Variants in CAPSL observed in about 807,000 individuals in gnomAD.
The protein encoded by CAPSL is calcyphosin-like protein.
CAPSL carries 17 observed loss-of-function variants against 21.3 expected under a neutral mutation model. The observed-to-expected ratio is 0.80, with a 90% CI of 0.55 to 1.20. CAPSL has a LOEUF of 1.20. CAPSL is among the 50% of genes most tolerant of loss of function. The pLI is 0.00. For missense variants in CAPSL, 289 were observed against 259.3 expected (o/e 1.11, Z -0.79); for synonymous variants, 102 against 89.3 (o/e 1.14, Z -0.80).
At position 35,924,219 on chromosome 5, in the gene CAPSL, T is replaced by C. The variant is rs115708824; in HGVS notation, c.1-3099A>G. On this transcript the variant is annotated intron_variant, in intron 1 of 4. Transcript: ENST00000651391. Reference sequence around the variant, plus strand: ...ACAGTAATCCACATGCTGTTAGAACTGTATGACCCTTGAAGATTCTCTAGT... The same window carrying C: ...ACAGTAATCCACATGCTGTTAGAACCGTATGACCCTTGAAGATTCTCTAGT... Among the ~76,000 whole-genome samples the C allele has an allele frequency of 4.5e-3, 684 of 152,310 alleles. 7 individuals are homozygous for C. Among genetic ancestry groups the C allele is most frequent in the Middle Eastern group, 0.031 (9 of 294 alleles).
chr5:35,937,736 A>G (rs1359653836), intron 1 of CAPSL, among the ~76,000 whole-genome samples: 1 of 152,170 alleles, frequency 6.6e-6, no homozygotes, highest in Non-Finnish European at 1.5e-5. Context: ...TTTTATCAGA[A>G]TATAAATACA....
chr5:35,909,072 A>C (rs1350593114), intron 4 of CAPSL, among the ~76,000 whole-genome samples: 1 of 140,480 alleles, frequency 7.1e-6, no homozygotes, highest in Non-Finnish European at 1.5e-5. Context: ...ATCTAAGAAC[A>C]GAACTGGCTC....
chr5:35,929,248 G>A (rs1365414957), intron 1 of CAPSL, among the ~76,000 whole-genome samples: 1 of 151,504 alleles, frequency 6.6e-6, no homozygotes, highest in East Asian at 1.9e-4. Context: ...GCGCTACCAG[G>A]GAGTAGCAGA....
chr5:35,930,603 C>T (rs1241486863), intron 1 of CAPSL, among the ~76,000 whole-genome samples: 5 of 152,136 alleles, frequency 3.3e-5, no homozygotes, highest in African/African-American at 7.2e-5. Flanking sequence ...CTACCTTGCC[C>T]CACTCTAGTC....
chr5:35,912,045 G>A (rs1003850842), intron 2 of CAPSL, among the ~76,000 whole-genome samples: 2 of 152,146 alleles, frequency 1.3e-5, no homozygotes, highest in African/African-American at 2.4e-5. Flanking sequence ...CTTAGCAAAC[G>A]GCGCACCAGG....
chr5:35,928,942 T>C (rs1466099613), intron 1 of CAPSL, among the ~76,000 whole-genome samples: 2 of 152,168 alleles, frequency 1.3e-5, no homozygotes, highest in Non-Finnish European at 2.9e-5. Context: ...GGGCACTTTA[T>C]TGTTTTTAGT....
chr5:35,910,008 T>C lies in CAPSL; in HGVS notation c.383A>G (p.Asp128Gly). The C allele has an allele frequency of 6.2e-7, 1 of 1,613,690 alleles. No individual in the cohort carries two copies. Among genetic ancestry groups the C allele is most frequent in the African/African-American group, 1.3e-5 (1 of 75,046 alleles). Residue 128 changes from aspartate (D) to glycine (G), a missense_variant, in exon 4 of 5, where the codon GAT becomes GGT. Asp to Gly is a moderately conservative substitution (Grantham distance 94). Coordinates refer to ENST00000651391, the MANE Select transcript of CAPSL (RefSeq NM_001042625.2). ...AAGGTCTTCGATTGTTATAACACCA[T>C]CTCCAGTCTTGTCTAACTTTCTAAA... is the stretch of plus-strand genomic sequence containing the variant. Reference protein sequence around the residue: ...QAFRKLDKTGDGVITIEDLRE... With the variant: ...QAFRKLDKTGGGVITIEDLRE...
intron 4 of CAPSL, among the ~76,000 whole-genome samples, chr5:35,907,981 G>A (rs1460248282): frequency 6.6e-6 from 1 of 152,164 alleles, no homozygotes; most frequent in Admixed American, 6.5e-5. Flanking sequence ...TCACTTTTCA[G>A]AAACACTTTT....
intron 1 of CAPSL, among the ~76,000 whole-genome samples, chr5:35,923,312 G>A (rs1201245447): frequency 3.3e-5 from 5 of 152,180 alleles, no homozygotes; most frequent in African/African-American, 4.8e-5. Flanking sequence ...TCCCCAGTGG[G>A]ACCCTCTTTG....
At chr5:35,937,402 A>C (rs1306222588) in intron 1 of CAPSL, among the ~76,000 whole-genome samples, 3 of 152,040 alleles carry the variant, frequency 2.0e-5, no homozygotes, top group Non-Finnish European at 4.4e-5. Flanking sequence ...ATCTCTACTC[A>C]CTCACATTCC....
Position 35,920,987 on chromosome 5 carries a change from C to T in CAPSL, c.134G>A (p.Gly45Asp). 1 of 1,613,788 alleles carries T rather than the reference C, an allele frequency of 6.2e-7. No individual in the cohort carries two copies. Among genetic ancestry groups the T allele is most frequent in the East Asian group, 2.2e-5 (1 of 44,864 alleles). Residue 45 changes from glycine to aspartate, a missense_variant, in exon 2 of 5, where the codon GGC becomes GAC. Coordinates refer to ENST00000651391, the MANE Select transcript of CAPSL (RefSeq NM_001042625.2). ...ARGSAGIKGL[G>D]RVFRIMDDDN... Reference sequence around the variant, plus strand: ...GCCACTTGTAGCTGGGTCCTACCTGCCAAGTCCTTTGATCCCAGCAGAGCC... The same window carrying T: ...GCCACTTGTAGCTGGGTCCTACCTGTCAAGTCCTTTGATCCCAGCAGAGCC...
intron 1 of CAPSL, among the ~76,000 whole-genome samples, chr5:35,928,353 C>T (rs532946648): frequency 2.1e-4 from 32 of 152,108 alleles, no homozygotes; most frequent in Non-Finnish European, 4.6e-4. Context: ...GCCTAGCAGG[C>T]GGCTAGGAAG....
intron 2 of CAPSL, among the ~76,000 whole-genome samples, chr5:35,913,842 A>T (rs1014047139): frequency 1.1e-4 from 16 of 152,238 alleles, no homozygotes; most frequent in African/African-American, 3.1e-4. Context: ...TGACAGGATC[A>T]AATTCAAAGA....
intron 2 of CAPSL, among the ~76,000 whole-genome samples, chr5:35,913,930 C>G (rs1738299874): frequency 6.6e-6 from 1 of 152,112 alleles, no homozygotes; most frequent in African/African-American, 2.4e-5. Context: ...GATAAACAGT[C>G]AAGACCCATC....
At chr5:35,917,380 G>A (rs1310431410) in intron 2 of CAPSL, among the ~76,000 whole-genome samples, 2 of 152,164 alleles carry the variant, frequency 1.3e-5, no homozygotes, top group African/African-American at 4.8e-5. Flanking sequence ...ATACCCAAAG[G>A]ATTATAAATC....
intron 4 of CAPSL, 122 bp downstream of exon 4, chr5:35,909,744 G>C: frequency 1.2e-6 from 1 of 845,294 alleles, no homozygotes. Flanking sequence ...TAGGGAAATA[G>C]TTTACTTCTA....
chr5:35,930,710 A>G (rs1056088960), intron 1 of CAPSL, among the ~76,000 whole-genome samples: 3 of 152,242 alleles, frequency 2.0e-5, no homozygotes, highest in East Asian at 3.8e-4. Context: ...GGAAGTTTAC[A>G]TTCCTAGAAG....
chr5:35,905,810 C>A (rs1481970524), intron 4 of CAPSL, among the ~76,000 whole-genome samples: 1 of 152,184 alleles, frequency 6.6e-6, no homozygotes, highest in Non-Finnish European at 1.5e-5. Context: ...GGGTCCACAC[C>A]ACCTGCATCA....
chr5:35,917,710 C>G (rs1738429299), intron 2 of CAPSL, among the ~76,000 whole-genome samples: 2 of 152,050 alleles, frequency 1.3e-5, no homozygotes, highest in African/African-American at 4.8e-5. Context: ...ACACCGGTGC[C>G]TGTTGTGGGG....
Sources: allele counts gnomAD v4.1 joint callset (sites outside exome capture counted in the v4.1 genomes callset), GRCh38; gene constraint gnomAD v4.1.1; transcripts MANE v1.5; gene names NCBI Gene and HGNC (gene_info 2026-07-23, HGNC 2026-07-21).